Variants in GLIS1 observed in about 807,000 individuals in gnomAD.
GLIS1 encodes the protein GLIS family zinc finger 1.
GLIS1 carries 24 observed loss-of-function variants against 63.8 expected under a neutral mutation model. The ratio of observed to expected loss-of-function variants is 0.38; its 90% confidence interval spans 0.27 to 0.53. GLIS1 has a LOEUF of 0.53. Ranked by LOEUF, GLIS1 falls within the 20% of genes least tolerant of loss-of-function variation. The pLI, the probability that GLIS1 is intolerant of heterozygous loss-of-function variation, is 0.85. For missense variants in GLIS1, 1,036 were observed against 1,074.1 expected, an observed-to-expected ratio of 0.96 and a Z score of 0.50; for synonymous variants, 450 against 482.5, an observed-to-expected ratio of 0.93 and a Z score of 0.88.
intron 3 of GLIS1, 58 bp downstream of exon 3, chr1:53,600,043 G>C (rs1386304139): frequency 2.0e-6 from 2 of 999,040 alleles, no homozygotes; most frequent in African/African-American, 3.3e-5. Flanking sequence ...TGAGGCCTGA[G>C]GCCCATGGTC....
At chr1:53,708,238 G>A (rs774380195) in intron 2 of GLIS1, among the ~76,000 whole-genome samples, 5 of 152,010 alleles carry the variant, frequency 3.3e-5, no homozygotes, top group African/African-American at 9.6e-5. Flanking sequence ...AGCCGAGATC[G>A]CATCACTGCA....
At chr1:53,587,437 A>G (rs1243291013) in intron 4 of GLIS1, among the ~76,000 whole-genome samples, 1 of 152,212 alleles carries the variant, frequency 6.6e-6, no homozygotes, top group Non-Finnish European at 1.5e-5. Context: ...AGTTGAGGAT[A>G]GACTTGGTGG....
chr1:53,525,819 C>T (rs1644462683), intron 5 of GLIS1, among the ~76,000 whole-genome samples: 1 of 152,134 alleles, frequency 6.6e-6, no homozygotes, highest in African/African-American at 2.4e-5. Context: ...CCTCTCCAAG[C>T]TCTCCTCGCA....
rs768390981 is a variant in GLIS1, at chr1:53,510,021, C to T, written c.1890G>A (p.Gly630=). Residue 630 remains glycine (G), a synonymous_variant, in exon 9 of 11, where the codon GGG becomes GGA. Transcript: ENST00000628545. Reference sequence around the variant, plus strand: ...TGACTATTGGTGAGAGGAGGCCGGGCCCCAACCTGGAGAGAACAGAGGTGC... The same window carrying T: ...TGACTATTGGTGAGAGGAGGCCGGGTCCCAACCTGGAGAGAACAGAGGTGC... ...PMAESTRDGL[G]PGLLSPIVSP... 29 of 1,267,584 alleles carry T rather than the reference C, an allele frequency of 2.3e-5. No individual in the cohort carries two copies. Among genetic ancestry groups the T allele is most frequent in the Non-Finnish European group, 2.4e-5 (24 of 998,694 alleles). 78.5% of individuals were successfully genotyped at this position (1,267,584 alleles called of 1,614,324 possible). A position where few individuals can be genotyped will look rare whatever the true frequency, so the allele number is the denominator to read the frequency against.
At chr1:53,709,485 G>T (rs1299087173) in intron 2 of GLIS1, among the ~76,000 whole-genome samples, 2 of 150,594 alleles carry the variant, frequency 1.3e-5, no homozygotes, top group Admixed American at 6.7e-5. Flanking sequence ...GGGTAAGTTG[G>T]TGATTCCTGG....
intron 2 of GLIS1, among the ~76,000 whole-genome samples, chr1:53,644,127 C>T (rs1645817020): frequency 6.6e-6 from 1 of 152,202 alleles, no homozygotes; most frequent in African/African-American, 2.4e-5. Flanking sequence ...CATTTAGGGT[C>T]AGCTGATTTG....
chr1:53,677,360 G>T (rs981660363), intron 2 of GLIS1, among the ~76,000 whole-genome samples: 1 of 152,184 alleles, frequency 6.6e-6, no homozygotes, highest in Admixed American at 6.5e-5. Context: ...TGGCCAAGGC[G>T]GTACAGGCAG....
intron 2 of GLIS1, among the ~76,000 whole-genome samples, chr1:53,647,770 A>C (rs1569981972): frequency 6.6e-6 from 1 of 152,342 alleles, no homozygotes; most frequent in East Asian, 1.9e-4. Flanking sequence ...TCTACTCATC[A>C]AAAGACATCA....
At chr1:53,640,892 G>A (rs1340035939) in intron 2 of GLIS1, among the ~76,000 whole-genome samples, 2 of 152,162 alleles carry the variant, frequency 1.3e-5, no homozygotes, top group Non-Finnish European at 2.9e-5. Flanking sequence ...TGGCTGAGAT[G>A]CACAGCAGGA....
At chr1:53,694,828 A>C (rs1276411447) in intron 2 of GLIS1, among the ~76,000 whole-genome samples, 1 of 152,198 alleles carries the variant, frequency 6.6e-6, no homozygotes, top group Non-Finnish European at 1.5e-5. Context: ...TAAGCATGAA[A>C]TGTTGCACAG....
intron 2 of GLIS1, among the ~76,000 whole-genome samples, chr1:53,732,152 A>C (rs187731394): frequency 1.3e-5 from 2 of 152,252 alleles, no homozygotes; most frequent in African/African-American, 4.8e-5. Context: ...TAACTTTAAA[A>C]ACACAGCTCG....
chr1:53,653,381 A>G (rs1198989292), intron 2 of GLIS1, among the ~76,000 whole-genome samples: 1 of 152,064 alleles, frequency 6.6e-6, no homozygotes, highest in Non-Finnish European at 1.5e-5. Context: ...CAGGGCCCCC[A>G]GTGGAAGTAC....
intron 2 of GLIS1, among the ~76,000 whole-genome samples, chr1:53,660,897 G>A (rs566130287): frequency 1.2e-4 from 18 of 152,316 alleles, no homozygotes; most frequent in Admixed American, 1.0e-3. Flanking sequence ...GCTGGGCAGG[G>A]TGGACCACAG....
intron 2 of GLIS1, among the ~76,000 whole-genome samples, chr1:53,691,349 C>A (rs11586794): frequency 0.097 from 14,778 of 152,230 alleles, 908 homozygotes; most frequent in Middle Eastern, 0.18. Flanking sequence ...CATCATCCCC[C>A]CTCCCACCAC....
chr1:53,637,524 C>T (rs1322862599), intron 2 of GLIS1, among the ~76,000 whole-genome samples: 4 of 152,120 alleles, frequency 2.6e-5, no homozygotes, highest in Non-Finnish European at 4.4e-5. Flanking sequence ...TTCCCACACC[C>T]GAGGTTCAAG....
intron 2 of GLIS1, among the ~76,000 whole-genome samples, chr1:53,632,748 C>CGT (rs1163816876): frequency 7.7e-6 from 1 of 129,612 alleles, no homozygotes; most frequent in East Asian, 2.5e-4. Flanking sequence ...GACCGAGGGG[C>CGT]GTGTGTATGA....
At chr1:53,525,603 C>T (rs1399454955) in intron 5 of GLIS1, among the ~76,000 whole-genome samples, 1 of 150,792 alleles carries the variant, frequency 6.6e-6, no homozygotes, top group Non-Finnish European at 1.5e-5. Flanking sequence ...ACTGCCCCTC[C>T]TGAATTCCTG....
intron 2 of GLIS1, among the ~76,000 whole-genome samples, chr1:53,637,143 C>T (rs1336306064): frequency 6.6e-6 from 1 of 152,232 alleles, no homozygotes; most frequent in Admixed American, 6.5e-5. Flanking sequence ...TCCTCTGTGC[C>T]AGCCCTGGGC....
chr1:53,694,712 G>A (rs774957942), intron 2 of GLIS1, among the ~76,000 whole-genome samples: 11 of 152,188 alleles, frequency 7.2e-5, no homozygotes, highest in African/African-American at 1.9e-4. Context: ...ACTGGGCTAC[G>A]TGGGGCACAC....
Sources: allele counts gnomAD v4.1 joint callset (sites outside exome capture counted in the v4.1 genomes callset), GRCh38; gene constraint gnomAD v4.1.1; transcripts MANE v1.5; gene names NCBI Gene and HGNC (gene_info 2026-07-23, HGNC 2026-07-21).